DHX30: variants seen among roughly 807,000 people sequenced by gnomAD.
DHX30 encodes ATP-dependent RNA helicase DHX30.
DHX30 carries 4 observed loss-of-function variants against 116.9 expected under a neutral mutation model. The observed-to-expected ratio is 0.03, with a 90% CI of 0.02 to 0.08. DHX30 has a LOEUF of 0.08. Among genes scored for constraint, DHX30 ranks in the 10% least tolerant of loss-of-function variants. DHX30 has a pLI of 1.00. For missense variants in DHX30, 871 were observed against 1,595.1 expected (o/e 0.55, Z 7.73); for synonymous variants, 697 against 651.7 (o/e 1.07, Z -1.06).
intron 4 of DHX30, chr3:47,819,281 G>A (rs2036193789): frequency 7.3e-7 from 1 of 1,367,734 alleles, no homozygotes; most frequent in South Asian, 1.1e-5. Context: ...GGCTCTGAGA[G>A]TGTCAGATGT....
At chr3:47,812,365 C>T (rs1456224518) in intron 3 of DHX30, among the ~76,000 whole-genome samples, 1 of 151,386 alleles carries the variant, frequency 6.6e-6, no homozygotes, top group African/African-American at 2.4e-5. Context: ...TGAGACCAGC[C>T]TGGCCAACAT....
intron 6 of DHX30, among the ~76,000 whole-genome samples, chr3:47,837,246 C>G (rs562345166): frequency 8.7e-4 from 133 of 152,290 alleles, no homozygotes; most frequent in Middle Eastern, 3.4e-3. Context: ...CTGGGCCATG[C>G]GGTAGACGGG....
intron 3 of DHX30, chr3:47,816,383 G>C: frequency 1.0e-6 from 1 of 975,096 alleles, no homozygotes. Context: ...TTTTAAGACG[G>C]AGTCTTGTTC....
intron 4 of DHX30, among the ~76,000 whole-genome samples, chr3:47,823,106 AAAAGAAAAG>A (rs1479854667): frequency 8.6e-5 from 13 of 151,256 alleles, no homozygotes; most frequent in Non-Finnish European, 1.5e-4. Context: ...AAAAAAAAAA[AAAAGAAAAG>A]AAAGAAAAGA....
At chr3:47,817,769 G>C (rs9812315) in intron 3 of DHX30, among the ~76,000 whole-genome samples, 6,345 of 152,288 alleles carry the variant, frequency 0.042, 448 homozygotes, top group African/African-American at 0.14. Context: ...AACCTCATAG[G>C]GGGTAGCTAA....
At chr3:47,810,073 T>C (rs1256289365) in intron 2 of DHX30, among the ~76,000 whole-genome samples, 1 of 152,234 alleles carries the variant, frequency 6.6e-6, no homozygotes, top group East Asian at 1.9e-4. Context: ...TCATAGAGAC[T>C]GCTATGAAAA....
At chr3:47,817,916 CCT>C in intron 3 of DHX30, 104 bp from the exon 4 acceptor site, 1 of 776,404 alleles carries the variant, frequency 1.3e-6, no homozygotes, top group Non-Finnish European at 2.4e-6. Flanking sequence ...GTCCAGCAGC[CCT>C]GTTGCCCAGA....
chr3:47,846,515 T>A lies in DHX30; in HGVS notation c.1443T>A (p.Gly481=). ...LLERYVTEGR[G]ARCNVIITQP... ...AGCGCTATGTGACCGAGGGCCGAGG[T>A]GCCCGCTGCAATGTTATCATCACCC... The change falls in exon 11 of 22, where the codon GGT becomes GGA. Residue 481 remains glycine (G), a synonymous_variant. Coordinates refer to ENST00000445061, the MANE Select transcript of DHX30 (RefSeq NM_138615.3). 6.2e-7 allele frequency: 1 copy of A among 1,614,040 alleles called. No individual in the cohort carries two copies. Among genetic ancestry groups the A allele is most frequent in the South Asian group, 1.1e-5 (1 of 91,082 alleles).
intron 4 of DHX30, among the ~76,000 whole-genome samples, chr3:47,821,205 C>G (rs1245941188): frequency 6.6e-6 from 1 of 152,164 alleles, no homozygotes; most frequent in Non-Finnish European, 1.5e-5. Flanking sequence ...ATTTGCCTGC[C>G]TCAGCCTCCC....
chr3:47,816,656 A>G, intron 3 of DHX30: 1 of 985,520 alleles, frequency 1.0e-6, no homozygotes, highest in Non-Finnish European at 1.2e-6. Context: ...GCGCCGGGCT[A>G]CAAAGAGCCT....
intron 6 of DHX30, among the ~76,000 whole-genome samples, chr3:47,839,618 A>G (rs890379150): frequency 2.0e-5 from 3 of 152,020 alleles, no homozygotes; most frequent in Non-Finnish European, 4.4e-5. Flanking sequence ...ATTCTTATAT[A>G]TAACTTCTTA....
chr3:47,847,718 A>G lies in DHX30; in HGVS notation c.2111-63A>G, dbSNP rs1379219219. ...TGGGGTCAAAATCCTTGCCCTGCCC[A>G]CATTCCAGGGGGGAATTCTGGTGGA... is the stretch of plus-strand genomic sequence containing the variant. On this transcript the variant is annotated intron_variant, in intron 13 of 21. Transcript: ENST00000445061. The surrounding 1 kb of genome is among the most constrained non-coding windows in gnomAD (Gnocchi z 5.5). 5.1e-6 allele frequency: 8 copies of G among 1,568,242 alleles called. No homozygotes were observed. The Admixed American group carries it at 1.4e-4, about 28-fold the overall frequency.
chr3:47,820,906 C>CTT (rs71281896), intron 4 of DHX30, among the ~76,000 whole-genome samples: 72 of 137,554 alleles, frequency 5.2e-4, no homozygotes, highest in Middle Eastern at 3.6e-3. Flanking sequence ...AAGGCTCTCT[C>CTT]TTTTTTTTTT....
At chr3:47,829,315 T>TATATATATATATA (rs869292091) in intron 6 of DHX30, among the ~76,000 whole-genome samples, 181 bp downstream of exon 6, 25 of 32,832 alleles carry the variant, frequency 7.6e-4, no homozygotes, top group East Asian at 1.2e-3. Flanking sequence ...TATATATATA[T>TATATATATATATA]TTTTTTTTTT....
rs542948236 is a variant in DHX30 at position 47,833,634 on chromosome 3, C to T, written c.366+4500C>T. ...CAGCACTTTGGGAGTCTGAGGCTGG[C>T]GGATCACGAGGTCAGGAGTTCGAGA... On this transcript the variant is annotated intron_variant, in intron 6 of 21. Coordinates refer to ENST00000445061, the MANE Select transcript of DHX30 (RefSeq NM_138615.3). 2.1e-3 allele frequency among the ~76,000 whole-genome samples: 316 copies of T among 150,594 alleles called. 1 individual carries two copies. The highest frequency in any genetic ancestry group is 7.0e-3 in the African/African-American group (289 of 41,028).
intron 6 of DHX30, among the ~76,000 whole-genome samples, chr3:47,835,401 C>T (rs1456961787): frequency 6.6e-6 from 1 of 152,128 alleles, no homozygotes; most frequent in Non-Finnish European, 1.5e-5. Context: ...CTCCTGACCT[C>T]AGGTGATCTG....
chr3:47,848,369 C>T lies in DHX30; in HGVS notation c.2476C>T (p.His826Tyr), dbSNP rs1419554917. The T allele has an allele frequency of 6.2e-7, 1 of 1,614,138 alleles. No individual in the cohort carries two copies. Among genetic ancestry groups the T allele is most frequent in the Non-Finnish European group, 8.5e-7 (1 of 1,180,034 alleles). The change falls in exon 15 of 22, where the codon CAC (histidine) becomes TAC (tyrosine). Residue 826 changes from histidine (H) to tyrosine (Y), a missense_variant. Physicochemically the swap from His to Tyr is moderately conservative, Grantham distance 83. Around this residue, in one of 13 missense-constraint regions of DHX30, gnomAD observed 238 missense variants for 481.0 expected, o/e 0.49. Transcript: ENST00000445061. The surrounding 1 kb of genome is among the most constrained non-coding windows in gnomAD (Gnocchi z 9.4). ...LENLVLQAKI[H>Y]MPEKTAVEFL... ...GAACCTGGTGCTGCAAGCGAAAATC[C>T]ACATGCCTGAGAAGACGGTGCGGCG... is the stretch of plus-strand genomic sequence containing the variant.
rs775070614 is a variant in DHX30 at position 47,850,009 on chromosome 3, T to C, written c.3474T>C (p.Ala1158=). The C allele has an allele frequency of 3.1e-6, 5 of 1,611,488 alleles. No individual in the cohort carries two copies. In the Admixed American group the frequency reaches 6.7e-5, roughly 22 times the overall value. The change falls in exon 22 of 22, where the codon GCT becomes GCC. Residue 1158 remains alanine (A), a synonymous_variant. Coordinates refer to ENST00000445061, the MANE Select transcript of DHX30 (RefSeq NM_138615.3). ...AGCGGAGCCTGCGCAGCGAGCTGGC[T>C]GCACTTCCCCCCAGCGTACAGGAGG... ...MVERSLRSEL[A]ALPPSVQEEH...
intron 6 of DHX30, among the ~76,000 whole-genome samples, chr3:47,836,762 C>T (rs1005404134): frequency 2.6e-5 from 4 of 152,194 alleles, no homozygotes; most frequent in South Asian, 4.1e-4. Flanking sequence ...CGCGATCTGC[C>T]TGCCTCCCAA....
Sources: allele counts gnomAD v4.1 joint callset (sites outside exome capture counted in the v4.1 genomes callset), GRCh38; gene constraint gnomAD v4.1.1; regional missense constraint gnomAD v4.1.1; non-coding constraint Gnocchi (gnomAD v3.1); transcripts MANE v1.5; gene names NCBI Gene and HGNC (gene_info 2026-07-23, HGNC 2026-07-21).